The following USP40 variants were observed in gnomAD, a reference collection of about 807,000 sequenced individuals.
USP40 encodes ubiquitin carboxyl-terminal hydrolase 40.
USP40 carries 143 observed loss-of-function variants against 166.2 expected under a neutral mutation model. The ratio of observed to expected loss-of-function variants is 0.86; its 90% CI spans 0.75 to 0.99. The LOEUF is 0.99. Among genes scored for constraint, USP40 ranks in the 50% least tolerant of loss-of-function variants. The pLI is 0.00. For missense variants in USP40, 1,444 were observed against 1,479.7 expected, an observed-to-expected ratio of 0.98 and a Z score of 0.40; for synonymous variants, 498 against 524.0, an observed-to-expected ratio of 0.95 and a Z score of 0.68.
chr2:233,529,488 A>AC lies in USP40; in HGVS notation c.1495dup (p.Val499GlyfsTer8). 1 of 1,585,618 alleles carries AC rather than the reference A, an allele frequency of 6.3e-7. No individual in the cohort carries two copies. Among genetic ancestry groups the AC allele is most frequent in the Non-Finnish European group, 8.6e-7 (1 of 1,164,206 alleles). On this transcript the variant is annotated frameshift_variant, in exon 12 of 32. Coordinates refer to ENST00000678225, the MANE Select transcript of USP40 (RefSeq NM_001365479.2). LOFTEE classifies it high-confidence loss of function. ...CATTTCATTCAGTAAATGACATGGA[A>AC]CCCCATATCTTGGATTAGCTCGAGC...
intron 15 of USP40, 110 bp downstream of exon 15, chr2:233,524,382 G>T: frequency 1.2e-6 from 1 of 816,262 alleles, no homozygotes; most frequent in Non-Finnish European, 1.8e-6. Context: ...TGCCTGCCTC[G>T]CCCTCCCAAA....
chr2:233,564,675 G>C (rs2071972687), intron 2 of USP40, among the ~76,000 whole-genome samples: 1 of 152,002 alleles, frequency 6.6e-6, no homozygotes, highest in South Asian at 2.1e-4. Flanking sequence ...AATTTCCAGA[G>C]TTTATAAAGA....
chr2:233,477,399 A>T lies in USP40; in HGVS notation c.3704T>A (p.Phe1235Tyr). Reference protein sequence around the residue: ...ETSLSIHVGSFR With the variant: ...ETSLSIHVGSYR Reference sequence around the variant, plus strand: ...AGCCGTGCAGCGGCGCGGTTATCTGAAGCTCCCCACGTGGATGGAGAGAGA... The same window carrying T: ...AGCCGTGCAGCGGCGCGGTTATCTGTAGCTCCCCACGTGGATGGAGAGAGA... Residue 1235 changes from phenylalanine to tyrosine, a missense_variant, in exon 32 of 32, where the codon TTC (phenylalanine) becomes TAC (tyrosine). By Grantham distance (22) the Phe-to-Tyr change is conservative. Transcript: ENST00000678225. The T allele has an allele frequency of 1.9e-6, 3 of 1,613,518 alleles. No homozygotes were observed. Among genetic ancestry groups the T allele is most frequent in the Non-Finnish European group, 2.5e-6 (3 of 1,179,716 alleles).
intron 6 of USP40, 102 bp downstream of exon 6, chr2:233,554,278 G>C (rs2070847057): frequency 8.4e-7 from 1 of 1,196,236 alleles, no homozygotes; most frequent in Non-Finnish European, 1.1e-6. Context: ...TCAATCCTTA[G>C]TGTCAACAGC....
intron 2 of USP40, 91 bp downstream of exon 2, chr2:233,565,265 A>G: frequency 1.0e-6 from 1 of 980,304 alleles, no homozygotes; most frequent in East Asian, 2.6e-5. Flanking sequence ...TATATCTTTA[A>G]GATAATTGGT....
intron 23 of USP40, among the ~76,000 whole-genome samples, chr2:233,498,215 G>A (rs533166017): frequency 2.0e-4 from 31 of 152,216 alleles, no homozygotes; most frequent in African/African-American, 7.2e-4. Context: ...ACATTCAGGG[G>A]CCAAAACTTC....
At chr2:233,494,646 C>T (rs930047339) in intron 24 of USP40, among the ~76,000 whole-genome samples, 1 of 150,938 alleles carries the variant, frequency 6.6e-6, no homozygotes, top group African/African-American at 2.4e-5. Flanking sequence ...GTGGGAGGAT[C>T]GATTAAGCCC....
chr2:233,525,314 G>A (rs186883118), intron 14 of USP40, among the ~76,000 whole-genome samples, 164 bp downstream of exon 14: 2 of 152,248 alleles, frequency 1.3e-5, no homozygotes, highest in South Asian at 2.1e-4. Context: ...ACATTAAAAC[G>A]TGGATATTTT....
intron 30 of USP40, 99 bp downstream of exon 30, chr2:233,485,432 G>T: frequency 1.1e-6 from 1 of 929,442 alleles, no homozygotes; most frequent in Non-Finnish European, 1.6e-6. Context: ...TGTATAAAAT[G>T]GGATAATCTG....
intron 12 of USP40, among the ~76,000 whole-genome samples, chr2:233,528,767 T>C (rs986921906): frequency 1.3e-5 from 2 of 152,124 alleles, no homozygotes; most frequent in African/African-American, 2.4e-5. Context: ...CCCTGTCACA[T>C]AATCAGGCAG....
intron 3 of USP40, chr2:233,560,903 A>G (rs964927613): frequency 9.6e-6 from 6 of 622,424 alleles, no homozygotes; most frequent in Non-Finnish European, 1.8e-5. Flanking sequence ...TATTTCCTTC[A>G]CCAGAAGAAA....
chr2:233,512,689 AAAT>A, intron 18 of USP40, 67 bp from the exon 19 acceptor site: 1 of 816,934 alleles, frequency 1.2e-6, no homozygotes, highest in Non-Finnish European at 1.8e-6. Context: ...CCTATTATCA[AAAT>A]AAAAGGAAGC....
At chr2:233,479,751 C>A (rs886152525) in intron 31 of USP40, among the ~76,000 whole-genome samples, 1 of 152,022 alleles carries the variant, frequency 6.6e-6, no homozygotes, top group Admixed American at 6.5e-5. Flanking sequence ...GACCTGAGGG[C>A]TGCAGAGCTG....
intron 25 of USP40, chr2:233,492,605 C>A (rs2065419145): frequency 6.6e-6 from 1 of 152,152 alleles, no homozygotes; most frequent in Admixed American, 6.5e-5. Flanking sequence ...TTTTATAGCT[C>A]ATTCAACATT....
At chr2:233,483,608 G>A (rs1450173252) in intron 30 of USP40, among the ~76,000 whole-genome samples, 3 of 152,216 alleles carry the variant, frequency 2.0e-5, no homozygotes, top group Non-Finnish European at 2.9e-5. Context: ...GTTGACTATG[G>A]TGTGAGCAGA....
chr2:233,529,308 C>T, intron 12 of USP40, 123 bp downstream of exon 12: 1 of 734,284 alleles, frequency 1.4e-6, no homozygotes, highest in Non-Finnish European at 2.1e-6. Context: ...GCCAAACAGA[C>T]ACTTGCATTA....
intron 21 of USP40, among the ~76,000 whole-genome samples, chr2:233,502,504 A>G (rs2125117533): frequency 6.6e-6 from 1 of 152,332 alleles, no homozygotes; most frequent in East Asian, 1.9e-4. Context: ...AAGTGCTCAA[A>G]AAGTTTTGGA....
chr2:233,512,457 A>G, intron 19 of USP40, 112 bp downstream of exon 19: 1 of 565,438 alleles, frequency 1.8e-6, no homozygotes, highest in Non-Finnish European at 2.9e-6. Flanking sequence ...AATATGTCCT[A>G]TAAATCAGTT....
Position 233,511,885 on chromosome 2 carries a change from A to G in USP40, c.2438-88T>C, listed in dbSNP as rs1277041346. Reference sequence around the variant, plus strand: ...TGCTGAAATCAGTATTTCTTTGAAAATCAAGAATATCAAGAAAGAAGAAAA... The same window carrying G: ...TGCTGAAATCAGTATTTCTTTGAAAGTCAAGAATATCAAGAAAGAAGAAAA... On this transcript the variant is annotated intron_variant, in intron 19 of 31. Transcript: ENST00000678225. 3 of 1,025,926 alleles carry G rather than the reference A, an allele frequency of 2.9e-6. No individual in the cohort carries two copies. In the East Asian group the frequency reaches 8.2e-5, roughly 28 times the overall value. The allele number at this position is 1,025,926 out of a possible 1,614,324, so 63.6% of individuals were successfully genotyped here.
Sources: gnomAD v4.1 joint callset for allele counts (sites outside exome capture counted in the v4.1 genomes callset) on GRCh38, gnomAD v4.1.1 for gene constraint, MANE v1.5 for transcripts, NCBI Gene and HGNC (gene_info 2026-07-23, HGNC 2026-07-21) for gene names.